The following KPNA7 variants were observed in gnomAD, a reference collection of about 807,000 sequenced individuals.
KPNA7 encodes importin subunit alpha-8.
In KPNA7, 54 loss-of-function variants were observed where a neutral mutation model predicts 53.7. That is an observed-to-expected ratio of 1.01 (90% CI 0.81 to 1.26). KPNA7 has a LOEUF of 1.26. Among genes scored for constraint, KPNA7 ranks in the 50% most tolerant of loss-of-function variants. The pLI, the probability that KPNA7 is intolerant of heterozygous loss-of-function variation, is 0.00. For missense variants in KPNA7, 640 were observed against 644.5 expected (o/e 0.99, Z 0.07); for synonymous variants, 276 against 259.3 (o/e 1.06, Z -0.62).
At chr7:99,197,533 A>G (rs1332614886) in intron 3 of KPNA7, among the ~76,000 whole-genome samples, 2 of 152,204 alleles carry the variant, frequency 1.3e-5, no homozygotes, top group Non-Finnish European at 2.9e-5. Context: ...GAACTAGACA[A>G]AGATTTTAAA....
At chr7:99,188,658 A>G in intron 6 of KPNA7, 95 bp from the exon 7 acceptor site, 2 of 1,230,566 alleles carry the variant, frequency 1.6e-6, no homozygotes, top group Non-Finnish European at 2.3e-6. Context: ...ACCATAGATC[A>G]GCATGAACCA....
intron 1 of KPNA7, among the ~76,000 whole-genome samples, chr7:99,214,475 A>G (rs1791158896): frequency 6.8e-6 from 1 of 147,470 alleles, no homozygotes; most frequent in Non-Finnish European, 1.5e-5. Flanking sequence ...CAAAAACAAA[A>G]AAACTAGCCA....
intron 9 of KPNA7, among the ~76,000 whole-genome samples, chr7:99,181,665 C>T (rs1015712288): frequency 6.6e-6 from 1 of 152,180 alleles, no homozygotes; most frequent in African/African-American, 2.4e-5. Context: ...TCTCCCACCT[C>T]AGCCTCCCAA....
At position 99,195,174 on chromosome 7, in the gene KPNA7, C is replaced by G. The variant is rs751194966; in HGVS notation, c.449G>C (p.Arg150Pro). ...NIASGTSEQTRAVVEGGAIQP... is the reference protein window; with the variant it reads ...NIASGTSEQTPAVVEGGAIQP... Reference sequence around the variant, plus strand: ...GATGGCTCCCCCTTCTACCACGGCACGAGTCTGCTCCGAAGTCCCTGAAGC... The same window carrying G: ...GATGGCTCCCCCTTCTACCACGGCAGGAGTCTGCTCCGAAGTCCCTGAAGC... Residue 150 changes from arginine to proline, a missense_variant, in exon 5 of 11, where the codon CGT becomes CCT. Transcript: ENST00000327442. 1.9e-6 allele frequency: 3 copies of G among 1,551,584 alleles called. No individual in the cohort carries two copies. The highest frequency in any genetic ancestry group is 2.0e-5 in the Admixed American group (1 of 50,980).
chr7:99,165,194 G>A, the KPNA7 span, among the ~76,000 whole-genome samples: 2 of 152,072 alleles, frequency 1.3e-5, no homozygotes, highest in Admixed American at 6.6e-5. Flanking sequence ...ATCACTTGTT[G>A]GAATGGCCGG....
chr7:99,195,387 G>T, intron 4 of KPNA7, 49 bp from the exon 5 acceptor site: 1 of 1,518,760 alleles, frequency 6.6e-7, no homozygotes, highest in Non-Finnish European at 8.9e-7. Flanking sequence ...AGTGAGAGAG[G>T]TATTAAGGAC....
chr7:99,188,706 C>G, intron 6 of KPNA7, 143 bp from the exon 7 acceptor site: 1 of 912,726 alleles, frequency 1.1e-6, no homozygotes, highest in Non-Finnish European at 1.6e-6. Context: ...TTCAGACAGC[C>G]TTGCTCTGTC....
the KPNA7 span, among the ~76,000 whole-genome samples, chr7:99,158,224 A>G: frequency 1.3e-5 from 2 of 152,058 alleles, no homozygotes; most frequent in Non-Finnish European, 2.9e-5. Context: ...TCACAATGAT[A>G]TGCTTTGGCA....
At chr7:99,217,128 G>A (rs1791237237) in intron 1 of KPNA7, among the ~76,000 whole-genome samples, 1 of 152,170 alleles carries the variant, frequency 6.6e-6, no homozygotes, top group Non-Finnish European at 1.5e-5. Flanking sequence ...GGGCTTAAAG[G>A]ATATAAATAC....
At chr7:99,214,374 C>T (rs1791151931) in intron 1 of KPNA7, among the ~76,000 whole-genome samples, 1 of 150,206 alleles carries the variant, frequency 6.7e-6, no homozygotes, top group African/African-American at 2.5e-5. Flanking sequence ...AACTGGGAGG[C>T]AGAGGTTACA....
At chr7:99,147,772 T>G in the KPNA7 span, among the ~76,000 whole-genome samples, 1 of 150,258 alleles carries the variant, frequency 6.7e-6, no homozygotes, top group East Asian at 2.0e-4. Flanking sequence ...GCCTGGGCGA[T>G]AAGAGCAAGA....
In KPNA7 at chr7:99,186,747, C is replaced by T. The variant is rs535328709; in HGVS notation, c.900+1553G>A. On this transcript the variant is annotated intron_variant, in intron 7 of 10. Transcript: ENST00000327442. ...AACAGAGTGAGACTTTGTCAAAAAA[C>T]AACAACAACAACAACAAAAATGGCT... Among the ~76,000 whole-genome samples the T allele has an allele frequency of 4.6e-5, 7 of 151,910 alleles. No homozygotes were observed. The East Asian group carries it at 1.4e-3, about 30-fold the overall frequency.
chr7:99,153,324 G>A, the KPNA7 span, among the ~76,000 whole-genome samples: 3 of 151,588 alleles, frequency 2.0e-5, no homozygotes, highest in Admixed American at 6.6e-5. Context: ...TTAAGAGGCC[G>A]AGGCGGACAG....
At chr7:99,159,216 T>C in the KPNA7 span, among the ~76,000 whole-genome samples, 3,586 of 151,748 alleles carry the variant, frequency 0.024, 70 homozygotes, top group Non-Finnish European at 0.032. Context: ...GGCATGGTAG[T>C]GCATGCCTGT....
At chr7:99,181,752 A>G in intron 9 of KPNA7, 131 bp downstream of exon 9, 1 of 769,852 alleles carries the variant, frequency 1.3e-6, no homozygotes, top group Non-Finnish European at 2.0e-6. Context: ...GGCTGGCCTC[A>G]AATTCCTGAC....
intron 3 of KPNA7, among the ~76,000 whole-genome samples, chr7:99,201,962 C>A (rs1790561413): frequency 6.6e-6 from 1 of 152,206 alleles, no homozygotes; most frequent in Admixed American, 6.5e-5. Flanking sequence ...CCCACCTCGG[C>A]CTCCCAAAGT....
At chr7:99,161,895 G>T in the KPNA7 span, among the ~76,000 whole-genome samples, 1 of 152,126 alleles carries the variant, frequency 6.6e-6, no homozygotes, top group Non-Finnish European at 1.5e-5. Context: ...TGACCCCAGG[G>T]CTCATGGCTC....
chr7:99,218,484 G>A (rs1376595746), intron 1 of KPNA7, among the ~76,000 whole-genome samples: 2 of 152,074 alleles, frequency 1.3e-5, no homozygotes, highest in Non-Finnish European at 2.9e-5. Context: ...AGTACTTCAG[G>A]AAGGAGGGGC....
intron 8 of KPNA7, among the ~76,000 whole-genome samples, chr7:99,183,533 G>A (rs1313492631): frequency 6.6e-6 from 1 of 152,176 alleles, no homozygotes; most frequent in Non-Finnish European, 1.5e-5. Flanking sequence ...GAGGCGTGCA[G>A]GACCACAAGT....
Sources: gnomAD v4.1 joint callset for allele counts (sites outside exome capture counted in the v4.1 genomes callset) on GRCh38, gnomAD v4.1.1 for gene constraint, MANE v1.5 for transcripts, NCBI Gene and HGNC (gene_info 2026-07-23, HGNC 2026-07-21) for gene names.